Variants in KHDRBS2 observed in about 807,000 individuals in gnomAD.
KHDRBS2 encodes KH RNA binding domain containing, signal transduction associated 2.
In KHDRBS2, 26 loss-of-function variants were observed where a neutral mutation model predicts 44.3. The observed-to-expected ratio is 0.59, with a 90% CI of 0.43 to 0.81. The LOEUF is 0.81. KHDRBS2 is among the 40% of genes least tolerant of loss of function. KHDRBS2 has a pLI of 0.00. For synonymous variants in KHDRBS2, 194 were observed against 151.1 expected (o/e 1.28, Z -2.08); for missense variants, 476 against 433.1 (o/e 1.10, Z -0.88).
intron 6 of KHDRBS2, among the ~76,000 whole-genome samples, chr6:61,740,312 C>T (rs1775962038): frequency 6.6e-6 from 1 of 151,898 alleles, no homozygotes; most frequent in African/African-American, 2.4e-5. Flanking sequence ...GTTTTGTGAG[C>T]TGCTAGTAGC....
chr6:61,694,196 G>T (rs1767659139), intron 8 of KHDRBS2, among the ~76,000 whole-genome samples: 1 of 152,114 alleles, frequency 6.6e-6, no homozygotes, highest in African/African-American at 2.4e-5. Context: ...CAGAACATAA[G>T]CTTCAAGAGA....
chr6:62,051,053 A>G (rs531960265), intron 2 of KHDRBS2, among the ~76,000 whole-genome samples: 1 of 152,212 alleles, frequency 6.6e-6, no homozygotes, highest in African/African-American at 2.4e-5. Context: ...TTCTAGCAGC[A>G]AAAATAATAT....
chr6:61,901,150 G>C (rs1354787499), intron 5 of KHDRBS2, 94 bp downstream of exon 5: 1 of 1,187,730 alleles, frequency 8.4e-7, no homozygotes, highest in Non-Finnish European at 1.2e-6. Context: ...TGTGGCTGAT[G>C]TTGTTGTTTA....
At chr6:62,155,186 C>T (rs1816088711) in intron 2 of KHDRBS2, among the ~76,000 whole-genome samples, 1 of 151,992 alleles carries the variant, frequency 6.6e-6, no homozygotes, top group Non-Finnish European at 1.5e-5. Flanking sequence ...AAAAAATGGA[C>T]AGGATTTAGT....
chr6:61,573,089 G>A, the KHDRBS2 span, among the ~76,000 whole-genome samples: 1 of 152,074 alleles, frequency 6.6e-6, no homozygotes, highest in Non-Finnish European at 1.5e-5. Flanking sequence ...CAGCCAAAAA[G>A]CTCCTAGATC....
chr6:61,955,407 TAC>T (rs141551790), intron 4 of KHDRBS2, among the ~76,000 whole-genome samples: 17,907 of 23,514 alleles, frequency 0.76, 8,172 homozygotes, highest in African/African-American at 0.94. Context: ...TGTATACATA[TAC>T]GTGTATATAT....
chr6:61,936,081 A>G (rs749316910), intron 4 of KHDRBS2, among the ~76,000 whole-genome samples: 2 of 152,094 alleles, frequency 1.3e-5, no homozygotes, highest in Non-Finnish European at 2.9e-5. Flanking sequence ...ATACTCTGAA[A>G]TCTTTTCGCA....
At chr6:61,724,099 C>A (rs572200711) in intron 7 of KHDRBS2, among the ~76,000 whole-genome samples, 40 of 152,256 alleles carry the variant, frequency 2.6e-4, no homozygotes, top group African/African-American at 8.9e-4. Context: ...CAAAGCCTAT[C>A]AGACTAGTGG....
intron 4 of KHDRBS2, among the ~76,000 whole-genome samples, chr6:61,930,428 A>C (rs1809788130): frequency 6.6e-6 from 1 of 150,550 alleles, no homozygotes; most frequent in African/African-American, 2.5e-5. Flanking sequence ...TTCTTATATG[A>C]AATGCTCAAG....
In KHDRBS2 at chr6:61,984,551, T is replaced by C. The variant is rs568120467; in HGVS notation, c.337-6339A>G. On this transcript the variant is annotated intron_variant, in intron 3 of 8. Transcript: ENST00000281156. ...ACCACAACCCCTGACTCTGGAGTGG[T>C]CTCCAATCAGGGAGGCTCTGGACTT... is the stretch of plus-strand genomic sequence containing the variant. 3.9e-5 allele frequency among the ~76,000 whole-genome samples: 6 copies of C among 152,164 alleles called. No homozygotes were observed. The South Asian group carries it at 8.5e-4, about 22-fold the overall frequency.
chr6:61,614,793 G>A, the KHDRBS2 span, among the ~76,000 whole-genome samples: 94 of 152,194 alleles, frequency 6.2e-4, no homozygotes, highest in Middle Eastern at 3.4e-3. Context: ...TTCTGAATGC[G>A]GTATGACCTT....
the KHDRBS2 span, among the ~76,000 whole-genome samples, chr6:61,562,435 T>C: frequency 2.0e-5 from 3 of 152,186 alleles, no homozygotes; most frequent in African/African-American, 7.2e-5. Context: ...TAATACATAT[T>C]AAAAATAAGA....
chr6:61,981,672 G>A (rs529642177), intron 3 of KHDRBS2, among the ~76,000 whole-genome samples: 4 of 152,210 alleles, frequency 2.6e-5, no homozygotes, highest in Admixed American at 2.6e-4. Flanking sequence ...TCTAAATGAA[G>A]TCTGCTTGAC....
chr6:62,003,334 A>T (rs1778620311), intron 3 of KHDRBS2, among the ~76,000 whole-genome samples: 1 of 152,132 alleles, frequency 6.6e-6, no homozygotes, highest in Non-Finnish European at 1.5e-5. Context: ...TTGTACCCAC[A>T]TAGATGGATA....
intron 2 of KHDRBS2, among the ~76,000 whole-genome samples, chr6:62,078,047 T>C (rs1796676927): frequency 6.6e-6 from 1 of 152,082 alleles, no homozygotes; most frequent in Non-Finnish European, 1.5e-5. Context: ...TTTTTTGTTG[T>C]TTTCAGCAAA....
intron 1 of KHDRBS2, among the ~76,000 whole-genome samples, chr6:62,186,971 C>A (rs1272741024): frequency 3.3e-5 from 5 of 151,152 alleles, no homozygotes; most frequent in Non-Finnish European, 7.4e-5. Context: ...TTCAACACAA[C>A]AAAAAAAAAT....
chr6:62,284,310 C>CT (rs140221530), intron 1 of KHDRBS2, among the ~76,000 whole-genome samples: 5 of 151,786 alleles, frequency 3.3e-5, no homozygotes, highest in African/African-American at 4.8e-5. Flanking sequence ...CAATTTGTAA[C>CT]TTTTTTTTCA....
At chr6:61,750,199 A>G (rs1463785227) in intron 6 of KHDRBS2, among the ~76,000 whole-genome samples, 1 of 152,214 alleles carries the variant, frequency 6.6e-6, no homozygotes, top group African/African-American at 2.4e-5. Flanking sequence ...CAAAAGCATC[A>G]AAAGAGACAA....
At chr6:61,865,627 T>C (rs750200513) in intron 6 of KHDRBS2, among the ~76,000 whole-genome samples, 1 of 152,102 alleles carries the variant, frequency 6.6e-6, no homozygotes, top group Non-Finnish European at 1.5e-5. Context: ...CCACCCCTCG[T>C]CCCACCCAAA....
Sources: gnomAD v4.1 joint callset for allele counts (sites outside exome capture counted in the v4.1 genomes callset) on GRCh38, gnomAD v4.1.1 for gene constraint, MANE v1.5 for transcripts, NCBI Gene and HGNC (gene_info 2026-07-23, HGNC 2026-07-21) for gene names.